MORN1: variants seen among roughly 807,000 people sequenced by gnomAD.
MORN1 encodes the protein MORN repeat containing 1.
A neutral mutation model predicts 61.9 loss-of-function variants in MORN1; 67 were observed. That is an observed-to-expected ratio of 1.08 (90% confidence interval 0.89 to 1.33). The LOEUF (loss-of-function observed/expected upper bound fraction) is 1.33, where lower values mean the gene tolerates loss of function less well. Among genes scored for constraint, MORN1 ranks in the 40% most tolerant of loss-of-function variants. MORN1 has a pLI of 0.00. For missense variants in MORN1, 752 were observed against 691.2 expected (o/e 1.09, Z -0.99); for synonymous variants, 301 against 292.0 (o/e 1.03, Z -0.31).
chr1:2,322,296 C>G, intron 13 of MORN1: 1 of 985,428 alleles, frequency 1.0e-6, no homozygotes, highest in Non-Finnish European at 1.2e-6. Context: ...GGGGCTGGCA[C>G]CGGAGCGTGG....
At chr1:2,390,112 C>T in intron 1 of MORN1, 116 bp from the exon 2 acceptor site, 2 of 938,976 alleles carry the variant, frequency 2.1e-6, no homozygotes, top group African/African-American at 1.6e-5. Flanking sequence ...TGGTACACGT[C>T]ACCTTCAGCA....
rs1436761352 is a variant in MORN1 at position 2,357,965 on chromosome 1, T to C, written c.870-367A>G. Reference sequence around the variant, plus strand: ...GAGAAGGGCCGGTGGGAAAAGGGAGTGTGAGAGCTGTGGCGTCACACTCAG... The same window carrying C: ...GAGAAGGGCCGGTGGGAAAAGGGAGCGTGAGAGCTGTGGCGTCACACTCAG... On this transcript the variant is annotated intron_variant, in intron 9 of 13. Transcript: ENST00000378531. The surrounding 1 kb of genome is among the most constrained non-coding windows in gnomAD (Gnocchi z 6.3). Among the ~76,000 whole-genome samples, 1 of 151,500 alleles carries C rather than the reference T, an allele frequency of 6.6e-6. No individual in the cohort carries two copies. Among genetic ancestry groups the C allele is most frequent in the Non-Finnish European group, 1.5e-5 (1 of 67,890 alleles).
intron 10 of MORN1, among the ~76,000 whole-genome samples, chr1:2,348,553 C>G (rs970872650): frequency 1.3e-5 from 2 of 152,188 alleles, no homozygotes; most frequent in African/African-American, 4.8e-5. Flanking sequence ...GGAGCCGCTG[C>G]CCACGGGCCC....
At chr1:2,336,436 C>T (rs746464543) in intron 12 of MORN1, 33 bp downstream of exon 12, 12 of 1,601,972 alleles carry the variant, frequency 7.5e-6, no homozygotes, top group East Asian at 4.5e-5. Flanking sequence ...GCTGACCCTC[C>T]GAACACCTGC....
intron 13 of MORN1, chr1:2,322,850 G>A (rs557226497): frequency 6.2e-5 from 61 of 985,412 alleles, no homozygotes; most frequent in East Asian, 1.1e-4. Context: ...CTGGCGTCCC[G>A]GCGGATGGGA....
chr1:2,383,017 T>C (rs1642407170), intron 6 of MORN1, among the ~76,000 whole-genome samples: 3 of 152,164 alleles, frequency 2.0e-5, no homozygotes, highest in South Asian at 4.1e-4. Flanking sequence ...TCTGAGGCCC[T>C]GCTGCGGGCA....
chr1:2,382,989 G>T (rs1273418189), intron 6 of MORN1, among the ~76,000 whole-genome samples: 1 of 152,114 alleles, frequency 6.6e-6, no homozygotes, highest in Non-Finnish European at 1.5e-5. Context: ...CCCTCCAGGG[G>T]CCCCACATCT....
chr1:2,345,939 C>T (rs983762404), intron 10 of MORN1, among the ~76,000 whole-genome samples: 15 of 152,206 alleles, frequency 9.9e-5, no homozygotes, highest in African/African-American at 2.9e-4. Flanking sequence ...CCCTTTTCCA[C>T]GTCTGCCAAA....
rs1641290605 is a variant in MORN1, at chr1:2,336,818, AG to A, written c.1068del (p.Cys357ValfsTer76). 3.1e-6 allele frequency: 5 copies of A among 1,596,196 alleles called. No individual in the cohort carries two copies. Among genetic ancestry groups the A allele is most frequent in the Non-Finnish European group, 4.3e-6 (5 of 1,172,866 alleles). ...ARGHAPHCPG[A>X]CQRVEQGCAE... ...GCACAGCCCTGCTCCACTCGCTGACAGGCCCCGGGACAATGGGGCGCATGTC... is the reference window on the plus strand; with the variant it reads ...GCACAGCCCTGCTCCACTCGCTGACAGCCCCGGGACAATGGGGCGCATGTC... On this transcript the variant is annotated frameshift_variant, in exon 11 of 14. Transcript: ENST00000378531. LOFTEE classifies it high-confidence loss of function.
intron 1 of MORN1, chr1:2,390,545 C>A: frequency 1.0e-6 from 1 of 985,390 alleles, no homozygotes; most frequent in Non-Finnish European, 1.2e-6. Context: ...CAGGAATGGG[C>A]AGGGCTCCCT....
At chr1:2,367,054 C>T (rs1642011203) in intron 8 of MORN1, among the ~76,000 whole-genome samples, 1 of 151,834 alleles carries the variant, frequency 6.6e-6, no homozygotes, top group Non-Finnish European at 1.5e-5. Context: ...ACAAAATTGA[C>T]CTGATTTATA....
At chr1:2,370,671 C>G (rs1642096950) in intron 8 of MORN1, among the ~76,000 whole-genome samples, 2 of 118,584 alleles carry the variant, frequency 1.7e-5, no homozygotes, top group African/African-American at 6.4e-5. Context: ...ATTTTTTTTT[C>G]TTCTTTTTTT....
At chr1:2,353,250 T>C (rs970492498) in intron 10 of MORN1, among the ~76,000 whole-genome samples, 16 of 152,266 alleles carry the variant, frequency 1.1e-4, no homozygotes, top group Admixed American at 3.9e-4. Context: ...AAATGATTCC[T>C]AGTGTATTTT....
chr1:2,322,015 A>C (rs1306027755), intron 13 of MORN1: 62 of 985,018 alleles, frequency 6.3e-5, no homozygotes, highest in Non-Finnish European at 7.1e-5. Context: ...TGTTTTTAAA[A>C]ATAACGAACC....
chr1:2,361,676 C>T (rs1641893248), intron 8 of MORN1, among the ~76,000 whole-genome samples: 3 of 152,062 alleles, frequency 2.0e-5, no homozygotes, highest in Admixed American at 1.3e-4. Flanking sequence ...GGTTAAACAT[C>T]GCAGAAGAAA....
chr1:2,345,582 C>T (rs1422123365), intron 10 of MORN1, among the ~76,000 whole-genome samples: 1 of 152,236 alleles, frequency 6.6e-6, no homozygotes, highest in Non-Finnish European at 1.5e-5. Context: ...CACAGGCTGC[C>T]GGCAGCATTG....
chr1:2,332,786 A>G, intron 12 of MORN1: 1 of 455,328 alleles, frequency 2.2e-6, no homozygotes, highest in South Asian at 1.6e-5. Flanking sequence ...TGAGTGAGTG[A>G]GGCTTTGGGG....
intron 9 of MORN1, among the ~76,000 whole-genome samples, chr1:2,358,041 A>G (rs903915): frequency 0.15 from 23,329 of 152,078 alleles, 2,457 homozygotes; most frequent in Admixed American, 0.31. Flanking sequence ...GGTAAAATGC[A>G]TGGATTTTCA....
rs527251671 is a variant in MORN1, at chr1:2,337,060, C to G, written c.1037-210G>C. Among the ~76,000 whole-genome samples the G allele has an allele frequency of 7.2e-5, 11 of 152,214 alleles. 2 individuals carry two copies. The South Asian group carries it at 2.1e-3, about 29-fold the overall frequency. On this transcript the variant is annotated intron_variant, in intron 10 of 13. Transcript: ENST00000378531. This position sits in a 1 kb window ranked among gnomAD's most constrained non-coding sequence, Gnocchi z 5.7. ...GCCGACAGGGGAGGTGGGGGTCCTCCGTGTCCACGGCCTCTGACGCCCCCG... is the reference window on the plus strand; with the variant it reads ...GCCGACAGGGGAGGTGGGGGTCCTCGGTGTCCACGGCCTCTGACGCCCCCG...
Sources: gnomAD v4.1 joint callset for allele counts (sites outside exome capture counted in the v4.1 genomes callset) on GRCh38, gnomAD v4.1.1 for gene constraint, Gnocchi (gnomAD v3.1) non-coding constraint, MANE v1.5 for transcripts, NCBI Gene and HGNC (gene_info 2026-07-23, HGNC 2026-07-21) for gene names.